Variants in HIVEP2 observed in about 807,000 individuals in gnomAD.
HIVEP2 encodes transcription factor HIVEP2.
Under a neutral mutation model 180.7 loss-of-function variants are expected in HIVEP2, and 14 were observed. The observed-to-expected ratio is 0.08, with a 90% confidence interval of 0.05 to 0.12. The LOEUF (loss-of-function observed/expected upper bound fraction) is 0.12, where lower values mean the gene tolerates loss of function less well. Ranked by LOEUF, HIVEP2 falls within the 10% of genes least tolerant of loss-of-function variation. The probability of loss-of-function intolerance (pLI) is 1.00; values close to 1 mark genes in which losing one functional copy is unlikely to be tolerated. For synonymous variants in HIVEP2, 1,184 were observed against 1,136.4 expected (o/e 1.04, Z -0.84); for missense variants, 2,579 against 3,008.5 (o/e 0.86, Z 3.34).
rs1158007297 is a variant in HIVEP2 at position 142,772,854 on chromosome 6, A to T, written c.1885T>A (p.Ser629Thr). The change falls in exon 5 of 10, where the codon TCT becomes ACT. Residue 629 changes from serine (S) to threonine (T), a missense_variant. Physicochemically the swap from Ser to Thr is moderately conservative, Grantham distance 58. Around this residue, in one of 11 missense-constraint regions of HIVEP2, gnomAD observed 524 missense variants for 563.6 expected, o/e 0.93. Transcript: ENST00000367603. This position sits in a 1 kb window ranked among gnomAD's most constrained non-coding sequence, Gnocchi z 4.9. ...TCATACCCAACCCTGTCCCCAGGAG[A>T]CAATTTCTTTTCCTTCAGGGATGAA... ...SSSSLKEKKL[S>T]PGDRVGYDYD... is the part of the protein sequence containing the mutation. 1 of 1,614,010 alleles carries T rather than the reference A, an allele frequency of 6.2e-7. No individual in the cohort carries two copies. Among genetic ancestry groups the T allele is most frequent in the Non-Finnish European group, 8.5e-7 (1 of 1,180,026 alleles).
chr6:142,774,793 G>C lies in HIVEP2; in HGVS notation c.-55C>G, dbSNP rs1775654048. Reference sequence around the variant, plus strand: ...CCCCTGAAAGCAGTGCAGACTCATGGAGTGTCTCCAAAGCTGTGCTTCTTA... The same window carrying C: ...CCCCTGAAAGCAGTGCAGACTCATGCAGTGTCTCCAAAGCTGTGCTTCTTA... On this transcript the variant is annotated 5_prime_UTR_variant, in exon 5 of 10. Transcript: ENST00000367603. This position sits in a 1 kb window ranked among gnomAD's most constrained non-coding sequence, Gnocchi z 5.1. 6.4e-7 allele frequency: 1 copy of C among 1,571,694 alleles called. No individual in the cohort carries two copies. The highest frequency in any genetic ancestry group is 1.4e-5 in the African/African-American group (1 of 73,674).
chr6:142,796,528 T>A (rs1377152301), intron 2 of HIVEP2, among the ~76,000 whole-genome samples: 1 of 152,124 alleles, frequency 6.6e-6, no homozygotes, highest in Non-Finnish European at 1.5e-5. Context: ...TGTACTGTAT[T>A]TATTGATCCC....
chr6:142,818,703 GAAAGAAAGAAAGAAAGA>G (rs1306708563), intron 2 of HIVEP2, among the ~76,000 whole-genome samples: 47 of 68,602 alleles, frequency 6.9e-4, no homozygotes, highest in Admixed American at 1.7e-3. Flanking sequence ...AAGAAAGAAA[GAAAGAAAGAAAGAAAGA>G]AAAGAAAGAA....
At chr6:142,791,674 C>T (rs1183970787) in intron 2 of HIVEP2, among the ~76,000 whole-genome samples, 2 of 152,132 alleles carry the variant, frequency 1.3e-5, no homozygotes, top group African/African-American at 4.8e-5. Context: ...TACTAAAATG[C>T]AAACTTCATA....
intron 2 of HIVEP2, among the ~76,000 whole-genome samples, chr6:142,833,177 C>A (rs528134429): frequency 4.6e-5 from 7 of 152,272 alleles, no homozygotes; most frequent in African/African-American, 1.7e-4. Flanking sequence ...TCAACTAAAA[C>A]CAACCCCCCC....
At chr6:142,876,749 G>A (rs1776449126) in intron 1 of HIVEP2, among the ~76,000 whole-genome samples, 1 of 152,176 alleles carries the variant, frequency 6.6e-6, no homozygotes, top group African/African-American at 2.4e-5. Flanking sequence ...TAGGTCAGGA[G>A]TGGTGGCTCA....
chr6:142,754,953 T>C (rs939900772), intron 9 of HIVEP2, among the ~76,000 whole-genome samples: 1 of 152,200 alleles, frequency 6.6e-6, no homozygotes, highest in Non-Finnish European at 1.5e-5. Context: ...CTTTAATGGA[T>C]TGTCATCTAA....
intron 1 of HIVEP2, among the ~76,000 whole-genome samples, chr6:142,842,653 C>T (rs748715718): frequency 6.6e-6 from 1 of 152,018 alleles, no homozygotes; most frequent in African/African-American, 2.4e-5. Context: ...TTAATTTAAG[C>T]CTTGTTTCCT....
chr6:142,754,187 G>A (rs748924284), intron 9 of HIVEP2, among the ~76,000 whole-genome samples: 1 of 151,880 alleles, frequency 6.6e-6, no homozygotes, highest in East Asian at 1.9e-4. Context: ...AAGCAGTCAG[G>A]GTGTTTTCCA....
chr6:142,893,098 C>T (rs553015036), intron 1 of HIVEP2, among the ~76,000 whole-genome samples: 20 of 152,264 alleles, frequency 1.3e-4, no homozygotes, highest in African/African-American at 4.6e-4. Flanking sequence ...TCCCACATCC[C>T]TATATTGGCC....
intron 6 of HIVEP2, among the ~76,000 whole-genome samples, chr6:142,765,700 A>G (rs988431960): frequency 1.3e-5 from 2 of 152,244 alleles, no homozygotes; most frequent in African/African-American, 4.8e-5. Flanking sequence ...GAAGGGTTTC[A>G]TAGAGATGTT....
At chr6:142,883,422 C>T (rs1433083089) in intron 1 of HIVEP2, among the ~76,000 whole-genome samples, 1 of 152,062 alleles carries the variant, frequency 6.6e-6, no homozygotes, top group Non-Finnish European at 1.5e-5. Context: ...AAGCACAGTG[C>T]AATCAACAGA....
chr6:142,878,994 C>T (rs1776515931), intron 1 of HIVEP2, among the ~76,000 whole-genome samples: 1 of 152,094 alleles, frequency 6.6e-6, no homozygotes, highest in Non-Finnish European at 1.5e-5. Context: ...GTCTGATCCT[C>T]TATTATGTTA....
In HIVEP2 at chr6:142,771,477, C is replaced by T. The variant is rs1374894808; in HGVS notation, c.3262G>A (p.Gly1088Ser). The T allele has an allele frequency of 6.2e-7, 1 of 1,613,624 alleles. No homozygotes were observed. Among genetic ancestry groups the T allele is most frequent in the Non-Finnish European group, 8.5e-7 (1 of 1,180,038 alleles). The part of the protein sequence containing the change: ...CFLVRQASFS[G>S]SPEISQGEVG... ...TCGCCCTGGGAGATTTCTGGGGAGC[C>T]ACTGAAGGAAGCTTGCCGCACCAGA... The change falls in exon 5 of 10, where the codon GGC becomes AGC. Residue 1088 changes from glycine to serine, a missense_variant. Gly to Ser is a moderately conservative substitution (Grantham distance 56). Transcript: ENST00000367603. The surrounding 1 kb of genome is among the most constrained non-coding windows in gnomAD (Gnocchi z 5.4).
At chr6:142,928,787 T>C (rs1006605258) in intron 1 of HIVEP2, among the ~76,000 whole-genome samples, 2 of 152,362 alleles carry the variant, frequency 1.3e-5, no homozygotes, top group African/African-American at 4.8e-5. Context: ...TCAATCTTGC[T>C]GAAAAGCAAT....
At position 142,866,618 on chromosome 6, in the gene HIVEP2, T is replaced by G. The variant is rs183254558; in HGVS notation, c.-640-29571A>C. 1.3e-3 allele frequency among the ~76,000 whole-genome samples: 199 copies of G among 152,282 alleles called. 4 individuals carry two copies. The highest frequency in any genetic ancestry group is 1.2e-3 in the Non-Finnish European group (79 of 68,022). ...GAGCATTTAGTCTGGGAGATTCTCT[T>G]TATAAGGCAGAATAGTAATTCCAAA... On this transcript the variant is annotated intron_variant, in intron 1 of 9. Coordinates refer to ENST00000367603, the MANE Select transcript of HIVEP2 (RefSeq NM_006734.4).
intron 1 of HIVEP2, among the ~76,000 whole-genome samples, chr6:142,880,777 A>G (rs903537313): frequency 6.6e-6 from 1 of 152,094 alleles, no homozygotes; most frequent in African/African-American, 2.4e-5. Context: ...CCCTCCATCC[A>G]TCAATGCCTT....
chr6:142,822,309 G>C (rs1354484393), intron 2 of HIVEP2, among the ~76,000 whole-genome samples: 1 of 152,114 alleles, frequency 6.6e-6, no homozygotes, highest in African/African-American at 2.4e-5. Flanking sequence ...CATGAATATA[G>C]GTATCTCAAA....
At chr6:142,888,086 A>G (rs1208301549) in intron 1 of HIVEP2, among the ~76,000 whole-genome samples, 1 of 152,206 alleles carries the variant, frequency 6.6e-6, no homozygotes, top group African/African-American at 2.4e-5. Flanking sequence ...ATATTCAAAA[A>G]ATGGGAAAAT....
Sources: gnomAD v4.1 joint callset for allele counts (sites outside exome capture counted in the v4.1 genomes callset) on GRCh38, gnomAD v4.1.1 for gene constraint, gnomAD v4.1.1 regional missense constraint, Gnocchi (gnomAD v3.1) non-coding constraint, MANE v1.5 for transcripts, NCBI Gene and HGNC (gene_info 2026-07-23, HGNC 2026-07-21) for gene names.